STEAP4: variants seen among roughly 807,000 people sequenced by gnomAD.
The protein encoded by STEAP4 is STEAP4 metalloreductase.
Under a neutral mutation model 43.6 loss-of-function variants are expected in STEAP4, and 36 were observed. The observed-to-expected ratio is 0.83, with a 90% CI of 0.63 to 1.09. The LOEUF is 1.09. STEAP4 is among the 50% of genes least tolerant of loss of function. The pLI is 0.00. For missense variants in STEAP4, 495 were observed against 546.5 expected, an observed-to-expected ratio of 0.91 and a Z score of 0.94; for synonymous variants, 191 against 196.7, an observed-to-expected ratio of 0.97 and a Z score of 0.24.
chr7:88,295,599 C>A (rs776547581), intron 1 of STEAP4, among the ~76,000 whole-genome samples: 1 of 152,132 alleles, frequency 6.6e-6, no homozygotes, highest in Admixed American at 6.6e-5. Context: ...CCTGCTACTG[C>A]GGTTCTTCTT....
intron 3 of STEAP4, 148 bp downstream of exon 3, chr7:88,282,493 T>A: frequency 1.2e-6 from 1 of 866,460 alleles, no homozygotes; most frequent in Non-Finnish European, 1.7e-6. Flanking sequence ...GGATTCATTT[T>A]AAAAAACTGA....
At chr7:88,286,402 C>T (rs1453347102) in intron 1 of STEAP4, among the ~76,000 whole-genome samples, 1 of 151,852 alleles carries the variant, frequency 6.6e-6, no homozygotes, top group African/African-American at 2.4e-5. Context: ...ATTAAATAAG[C>T]CTAATATATC....
chr7:88,293,149 T>G (rs995460903), intron 1 of STEAP4, among the ~76,000 whole-genome samples: 1 of 152,236 alleles, frequency 6.6e-6, no homozygotes, highest in African/African-American at 2.4e-5. Flanking sequence ...TCATGATTTT[T>G]TATTTTAGCC....
chr7:88,306,401 G>C (rs1853132796), intron 1 of STEAP4, among the ~76,000 whole-genome samples: 1 of 152,244 alleles, frequency 6.6e-6, no homozygotes, highest in African/African-American at 2.4e-5. Flanking sequence ...CAAATTTTTA[G>C]TGCCTGGTCA....
chr7:88,271,909 T>C lies in STEAP4; in HGVS notation c.*7489A>G, dbSNP rs1329681725. ...TTGATACAGTTACAATTTTCATGCG[T>C]CTCATTATGAATGAAGTAGAATATA... On this transcript the variant is annotated 3_prime_UTR_variant, in exon 5 of 5. Transcript: ENST00000380079. The C allele has an allele frequency of 3.3e-5, 5 of 152,228 alleles. No individual in the cohort carries two copies. Among genetic ancestry groups the C allele is most frequent in the African/African-American group, 9.6e-5 (4 of 41,466 alleles). 9.4% of individuals were successfully genotyped at this position (152,228 alleles called of 1,614,324 possible).
Position 88,275,729 on chromosome 7 carries a change from T to G in STEAP4, c.*3669A>C, listed in dbSNP as rs1471439091. The G allele has an allele frequency of 6.6e-6, 1 of 152,064 alleles. No individual in the cohort carries two copies. Among genetic ancestry groups the G allele is most frequent in the African/African-American group, 2.4e-5 (1 of 41,398 alleles). The allele number at this position is 152,064 out of a possible 1,614,324, so 9.4% of individuals were successfully genotyped here. ...TACCATGACTGCCATTACACCTTAATTTTGGAACAGAGTTCCAGAAGCTTT... is the reference window on the plus strand; with the variant it reads ...TACCATGACTGCCATTACACCTTAAGTTTGGAACAGAGTTCCAGAAGCTTT... On this transcript the variant is annotated 3_prime_UTR_variant, in exon 5 of 5. Transcript: ENST00000380079.
rs1301039110 is a variant in STEAP4 at position 88,275,657 on chromosome 7, TG to T, written c.*3740del. ...TGTGTTGGAGAAGTGGTAGTGAAGA[TG>T]ATGGTTGTGATGATGGAGAATGAAA... On this transcript the variant is annotated 3_prime_UTR_variant, in exon 5 of 5. Coordinates refer to ENST00000380079, the MANE Select transcript of STEAP4 (RefSeq NM_024636.4). 1 of 151,236 alleles carries T rather than the reference TG, an allele frequency of 6.6e-6. No individual in the cohort carries two copies. Among genetic ancestry groups the T allele is most frequent in the Non-Finnish European group, 1.5e-5 (1 of 68,368 alleles). 9.4% of individuals were successfully genotyped at this position (151,236 alleles called of 1,614,324 possible).
chr7:88,280,785 G>T, intron 4 of STEAP4, 130 bp downstream of exon 4: 4 of 962,616 alleles, frequency 4.2e-6, no homozygotes, highest in South Asian at 3.8e-5. Context: ...CGAGTATTAA[G>T]AAATCAAATC....
At position 88,283,996 on chromosome 7, in the gene STEAP4, A is replaced by G. The variant is rs185204822; in HGVS notation, c.274T>C (p.Leu92=). 67 of 1,614,132 alleles carry G rather than the reference A, an allele frequency of 4.2e-5. No homozygotes were observed. The highest frequency in any genetic ancestry group is 1.3e-4 in the Admixed American group (8 of 59,994). Residue 92 remains leucine (L), a synonymous_variant, in exon 2 of 5, where the codon TTA becomes CTA. Transcript: ENST00000380079. Reference sequence around the variant, plus strand: ...ATTTTTCCATTGAGAACCTCAGTTAATTCTGTGAGAAAATCATAATGCTCT... The same window carrying G: ...ATTTTTCCATTGAGAACCTCAGTTAGTTCTGTGAGAAAATCATAATGCTCT... ...HREHYDFLTE[L]TEVLNGKILV...
rs1852576235 is a variant in STEAP4, at chr7:88,279,512, T to C, written c.1266A>G (p.Leu422=). 6.2e-7 allele frequency: 1 copy of C among 1,614,016 alleles called. No individual in the cohort carries two copies. The highest frequency in any genetic ancestry group is 1.1e-5 in the South Asian group (1 of 91,088). ...LRWYLPAAYV[L]GLIIPCTVLV... ...GCACAGTGCAAGGAATGATAAGCCC[T>C]AACACGTAGGCTGCAGGAAGATACC... Residue 422 remains leucine, a synonymous_variant, in exon 5 of 5, where the codon TTA becomes TTG. Coordinates refer to ENST00000380079, the MANE Select transcript of STEAP4 (RefSeq NM_024636.4).
rs1024057809 is a variant in STEAP4 at position 88,274,815 on chromosome 7, G to A, written c.*4583C>T. ...TTTAGAACATATAGGGTAACTTCTG[G>A]ATGTGGCCATGGAATTTGTAAACTG... On this transcript the variant is annotated 3_prime_UTR_variant, in exon 5 of 5. Coordinates refer to ENST00000380079, the MANE Select transcript of STEAP4 (RefSeq NM_024636.4). 9 of 152,174 alleles carry A rather than the reference G, an allele frequency of 5.9e-5. No individual in the cohort carries two copies. Among genetic ancestry groups the A allele is most frequent in the African/African-American group, 2.2e-4 (9 of 41,448 alleles). 9.4% of individuals were successfully genotyped at this position (152,174 alleles called of 1,614,324 possible). A position where few individuals can be genotyped will look rare whatever the true frequency, so the allele number is the denominator to read the frequency against.
At chr7:88,300,280 C>T (rs1853010033) in intron 1 of STEAP4, among the ~76,000 whole-genome samples, 1 of 152,174 alleles carries the variant, frequency 6.6e-6, no homozygotes, top group African/African-American at 2.4e-5. Context: ...GTGATCTCAG[C>T]TCACTGCAAC....
intron 1 of STEAP4, among the ~76,000 whole-genome samples, chr7:88,291,377 T>C (rs759232561): frequency 1.3e-5 from 2 of 151,442 alleles, no homozygotes; most frequent in Non-Finnish European, 2.9e-5. Context: ...ATTCCAGCTA[T>C]TGGAGAGGCT....
Position 88,296,596 on chromosome 7 carries a change from C to A in STEAP4, c.-3+10196G>T, listed in dbSNP as rs142545727. Among the ~76,000 whole-genome samples, 711 of 152,208 alleles carry A rather than the reference C, an allele frequency of 4.7e-3. 11 individuals carry two copies. Among genetic ancestry groups the A allele is most frequent in the African/African-American group, 0.016 (666 of 41,530 alleles). ...AATCCATCAATCAAATGTTTCCTTTCATCACAAGGCAAAAGGGCAGGAGGG... is the reference window on the plus strand; with the variant it reads ...AATCCATCAATCAAATGTTTCCTTTAATCACAAGGCAAAAGGGCAGGAGGG... On this transcript the variant is annotated intron_variant, in intron 1 of 4. Transcript: ENST00000380079.
chr7:88,294,365 T>A (rs1216710140), intron 1 of STEAP4, among the ~76,000 whole-genome samples: 2 of 152,006 alleles, frequency 1.3e-5, no homozygotes, highest in East Asian at 3.8e-4. Flanking sequence ...ATTCTCAAGA[T>A]ATCTCATTAT....
chr7:88,302,412 A>T (rs1413982043), intron 1 of STEAP4, among the ~76,000 whole-genome samples: 1 of 150,422 alleles, frequency 6.6e-6, no homozygotes, highest in African/African-American at 2.4e-5. Flanking sequence ...CCTACAGGCT[A>T]GGAGGGACTT....
intron 1 of STEAP4, among the ~76,000 whole-genome samples, chr7:88,304,853 C>A (rs559845079): frequency 1.3e-5 from 2 of 152,148 alleles, no homozygotes; most frequent in Admixed American, 1.3e-4. Context: ...GAATTTATAT[C>A]CTTTTAATAA....
In STEAP4 at chr7:88,282,650, G is replaced by T; in HGVS notation, c.975C>A (p.Thr325=). The part of the protein sequence containing the change: ...YYVRWRLGNL[T]VTQAILKKEN... ...ATAAGAAGAGATTTACCTGGGTAACGGTTAAGTTTCCCAATCTCCATCGTA... is the reference window on the plus strand; with the variant it reads ...ATAAGAAGAGATTTACCTGGGTAACTGTTAAGTTTCCCAATCTCCATCGTA... The change falls in exon 3 of 5, where the codon ACC becomes ACA. Residue 325 remains threonine (T), a synonymous_variant. Transcript: ENST00000380079. 1 of 1,612,370 alleles carries T rather than the reference G, an allele frequency of 6.2e-7. No individual in the cohort carries two copies. The highest frequency in any genetic ancestry group is 8.5e-7 in the Non-Finnish European group (1 of 1,178,776).
At chr7:88,289,723 G>A (rs1404788318) in intron 1 of STEAP4, among the ~76,000 whole-genome samples, 11 of 152,152 alleles carry the variant, frequency 7.2e-5, no homozygotes, top group East Asian at 3.9e-4. Context: ...ACAAACTGGC[G>A]ACTGATATCC....
Sources: gnomAD v4.1 joint callset for allele counts (sites outside exome capture counted in the v4.1 genomes callset) on GRCh38, gnomAD v4.1.1 for gene constraint, MANE v1.5 for transcripts, NCBI Gene and HGNC (gene_info 2026-07-23, HGNC 2026-07-21) for gene names.